Variants in RALY observed in about 807,000 individuals in gnomAD.
RALY encodes RNA-binding protein Raly.
RALY carries 15 observed loss-of-function variants against 30.7 expected under a neutral mutation model. The observed-to-expected ratio is 0.49, with a 90% CI of 0.33 to 0.75. The LOEUF (loss-of-function observed/expected upper bound fraction) is 0.75, where lower values mean the gene tolerates loss of function less well. Ranked by LOEUF, RALY falls within the 30% of genes least tolerant of loss-of-function variation. The pLI is 0.02. For synonymous variants in RALY, 177 were observed against 170.8 expected, an observed-to-expected ratio of 1.04 and a Z score of -0.28; for missense variants, 339 against 414.3, an observed-to-expected ratio of 0.82 and a Z score of 1.58.
chr20:34,041,468 G>A (rs1366677230), intron 2 of RALY, among the ~76,000 whole-genome samples: 2 of 152,198 alleles, frequency 1.3e-5, no homozygotes, highest in African/African-American at 2.4e-5. Context: ...TGCCAGTGAG[G>A]CTAAGTCTTC....
intron 5 of RALY, among the ~76,000 whole-genome samples, chr20:34,074,384 G>A (rs113623263): frequency 6.6e-6 from 1 of 152,298 alleles, no homozygotes; most frequent in Non-Finnish European, 1.5e-5. Flanking sequence ...CCCAGAGGCT[G>A]TGGGCTCCCA....
chr20:34,081,793 C>A lies in RALY; in HGVS notation c.*1888C>A, dbSNP rs1474309518. 6.6e-6 allele frequency: 1 copy of A among 152,304 alleles called. No homozygotes were observed. Among genetic ancestry groups the A allele is most frequent in the African/African-American group, 2.4e-5 (1 of 41,458 alleles). The allele number at this position is 152,304 out of a possible 1,614,324, so 9.4% of individuals were successfully genotyped here. A position where few individuals can be genotyped will look rare whatever the true frequency, so the allele number is the denominator to read the frequency against. ...CTGCTGGGGCCTGACTAGGCCAGCCCCAAGGTGGCCAGAGTTCTGGCTTCA... is the reference window on the plus strand; with the variant it reads ...CTGCTGGGGCCTGACTAGGCCAGCCACAAGGTGGCCAGAGTTCTGGCTTCA... On this transcript the variant is annotated 3_prime_UTR_variant, in exon 10 of 10. Coordinates refer to ENST00000246194, the MANE Select transcript of RALY (RefSeq NM_016732.3).
At chr20:34,075,652 C>T (rs559456447) in intron 5 of RALY, among the ~76,000 whole-genome samples, 130 of 152,198 alleles carry the variant, frequency 8.5e-4, no homozygotes, top group South Asian at 2.3e-3. Flanking sequence ...CTTACTGGGC[C>T]TGGATGGTTG....
In RALY at chr20:34,070,444, G is replaced by A. The variant is rs2033695279; in HGVS notation, c.-9-1622G>A. Among the ~76,000 whole-genome samples the A allele has an allele frequency of 2.0e-5, 3 of 152,122 alleles. No individual in the cohort carries two copies. In the South Asian group the frequency reaches 6.2e-4, roughly 32 times the overall value. On this transcript the variant is annotated intron_variant, in intron 2 of 9. Transcript: ENST00000246194. ...ACAGCCCTTTGGGGTAAAAGACCTG[G>A]CCAGAATATAGAGAGCAAAGGGTAG...
At position 34,004,161 on chromosome 20, in the gene RALY, G is replaced by C. The variant is rs535718639; in HGVS notation, c.-93+10030G>C. Among the ~76,000 whole-genome samples the C allele has an allele frequency of 3.9e-5, 6 of 152,316 alleles. No homozygotes were observed. In the South Asian group the frequency reaches 1.2e-3, roughly 32 times the overall value. ...GGGAAGTTCAGAAGGGGAAGAGATT[G>C]CTTCCTTTGTACATGGAGGAGGGGC... On this transcript the variant is annotated intron_variant, in intron 1 of 9. Transcript: ENST00000246194.
chr20:34,037,029 C>T (rs1408268810), intron 2 of RALY, among the ~76,000 whole-genome samples: 1 of 152,010 alleles, frequency 6.6e-6, no homozygotes, highest in Non-Finnish European at 1.5e-5. Flanking sequence ...AGGATTCGTT[C>T]ATTGATTTTT....
At chr20:34,071,782 G>A (rs943023499) in intron 2 of RALY, among the ~76,000 whole-genome samples, 1 of 152,096 alleles carries the variant, frequency 6.6e-6, no homozygotes, top group African/African-American at 2.4e-5. Context: ...CTAACATTGT[G>A]GTCTCTCTGA....
At chr20:34,017,008 A>T (rs1185106686) in intron 1 of RALY, among the ~76,000 whole-genome samples, 1 of 144,964 alleles carries the variant, frequency 6.9e-6, no homozygotes, top group African/African-American at 2.6e-5. Flanking sequence ...TTGTCAATAC[A>T]ACAGTTCTGC....
chr20:34,071,551 T>TA (rs1335489181), intron 2 of RALY, among the ~76,000 whole-genome samples: 2 of 152,184 alleles, frequency 1.3e-5, no homozygotes, highest in Non-Finnish European at 2.9e-5. Flanking sequence ...GTGCTGGGAT[T>TA]ACAGTTGTGA....
At chr20:34,048,436 G>T (rs2032960733) in intron 2 of RALY, among the ~76,000 whole-genome samples, 2 of 152,200 alleles carry the variant, frequency 1.3e-5, no homozygotes, top group South Asian at 2.1e-4. Flanking sequence ...GACCTTCTGA[G>T]ATCATACTGT....
chr20:34,030,758 T>C (rs1484141613), intron 1 of RALY, among the ~76,000 whole-genome samples: 2 of 152,208 alleles, frequency 1.3e-5, no homozygotes, highest in African/African-American at 4.8e-5. Context: ...TCATTCTCCT[T>C]ATGACTCCAC....
At chr20:34,048,855 A>AAAAAG (rs1376074131) in intron 2 of RALY, among the ~76,000 whole-genome samples, 3 of 150,412 alleles carry the variant, frequency 2.0e-5, no homozygotes, top group Non-Finnish European at 4.4e-5. Context: ...CTCCGTCTCA[A>AAAAAG]AAAAAAAAAA....
At chr20:34,005,204 G>A (rs562794429) in intron 1 of RALY, among the ~76,000 whole-genome samples, 14 of 152,180 alleles carry the variant, frequency 9.2e-5, no homozygotes, top group African/African-American at 2.9e-4. Context: ...GAGACTAGTC[G>A]AGTAGTTGAT....
intron 2 of RALY, among the ~76,000 whole-genome samples, chr20:34,051,231 T>G (rs1273783497): frequency 6.6e-6 from 1 of 152,170 alleles, no homozygotes; most frequent in Non-Finnish European, 1.5e-5. Context: ...CACTTGACAG[T>G]TGAGGAAACT....
chr20:34,026,543 C>G (rs2032045936), intron 1 of RALY, among the ~76,000 whole-genome samples: 1 of 150,824 alleles, frequency 6.6e-6, no homozygotes, highest in Middle Eastern at 3.5e-3. Context: ...GCTGGGACTA[C>G]AGGCGCCCGC....
intron 2 of RALY, among the ~76,000 whole-genome samples, chr20:34,054,658 T>G (rs1449993176): frequency 6.6e-6 from 1 of 152,072 alleles, no homozygotes; most frequent in East Asian, 1.9e-4. Flanking sequence ...AAACTTTGTC[T>G]CTACTAAAAA....
rs765880578 is a variant in RALY, at chr20:34,076,688, C to G, written c.545-14C>G. 2 of 1,611,752 alleles carry G rather than the reference C, an allele frequency of 1.2e-6. No homozygotes were observed. The highest frequency in any genetic ancestry group is 1.7e-6 in the Non-Finnish European group (2 of 1,178,404). On this transcript the variant is annotated splice_polypyrimidine_tract_variant and intron_variant, in intron 6 of 9. Transcript: ENST00000246194. Reference sequence around the variant, plus strand: ...GCCCCCTAGGTGACAGCCCTGTCCCCCCTCCACTCCCAGTAAAGAGCAGTG... The same window carrying G: ...GCCCCCTAGGTGACAGCCCTGTCCCGCCTCCACTCCCAGTAAAGAGCAGTG...
intron 2 of RALY, among the ~76,000 whole-genome samples, chr20:34,034,845 AAAG>A (rs1158248622): frequency 2.0e-5 from 3 of 152,144 alleles, no homozygotes; most frequent in Non-Finnish European, 1.5e-5. Flanking sequence ...GGGAGGGGTG[AAAG>A]AAGAAGTTAA....
At chr20:34,004,087 C>T (rs903777544) in intron 1 of RALY, among the ~76,000 whole-genome samples, 20 of 152,106 alleles carry the variant, frequency 1.3e-4, no homozygotes, top group Non-Finnish European at 2.8e-4. Flanking sequence ...TTTTAAGAAC[C>T]ATACTATGAA....
Sources: allele counts gnomAD v4.1 joint callset (sites outside exome capture counted in the v4.1 genomes callset), GRCh38; gene constraint gnomAD v4.1.1; transcripts MANE v1.5; gene names NCBI Gene and HGNC (gene_info 2026-07-23, HGNC 2026-07-21).